The following ATP10A variants were observed in gnomAD, a reference collection of about 807,000 sequenced individuals.
The protein encoded by ATP10A is ATPase phospholipid transporting 10A (putative).
Under a neutral mutation model 147.8 loss-of-function variants are expected in ATP10A, and 111 were observed. That is an observed-to-expected ratio of 0.75 (90% CI 0.64 to 0.88). The LOEUF (loss-of-function observed/expected upper bound fraction) is 0.88. Among genes scored for constraint, ATP10A ranks in the 40% least tolerant of loss-of-function variants. ATP10A has a pLI of 0.00. For synonymous variants in ATP10A, 875 were observed against 841.6 expected (o/e 1.04, Z -0.69); for missense variants, 1,927 against 1,959.0 (o/e 0.98, Z 0.31).
intron 2 of ATP10A, among the ~76,000 whole-genome samples, chr15:25,737,307 G>C (rs576465890): frequency 2.0e-5 from 3 of 152,244 alleles, no homozygotes; most frequent in African/African-American, 7.2e-5. Flanking sequence ...CTTTTTCCAG[G>C]GCAGACATTT....
At chr15:25,689,912 C>G (rs1009360910) in intron 15 of ATP10A, among the ~76,000 whole-genome samples, 2 of 152,192 alleles carry the variant, frequency 1.3e-5, no homozygotes, top group Non-Finnish European at 2.9e-5. Flanking sequence ...GTTTACTAGA[C>G]GAGTTTCCAA....
intron 1 of ATP10A, among the ~76,000 whole-genome samples, chr15:25,812,751 C>T (rs1891487037): frequency 6.6e-6 from 1 of 152,120 alleles, no homozygotes; most frequent in African/African-American, 2.4e-5. Context: ...GGAAGGGTGG[C>T]CAAGCACACT....
At chr15:25,800,611 G>A (rs999658653) in intron 1 of ATP10A, among the ~76,000 whole-genome samples, 2 of 152,252 alleles carry the variant, frequency 1.3e-5, no homozygotes, top group East Asian at 3.9e-4. Flanking sequence ...ATTCTGACAC[G>A]GCAATTTCAA....
chr15:25,680,029 G>C lies in ATP10A; in HGVS notation c.3867-55C>G, dbSNP rs974882127. The C allele has an allele frequency of 1.9e-5, 30 of 1,579,466 alleles. No individual in the cohort carries two copies. In the Admixed American group the frequency reaches 3.3e-4, roughly 17 times the overall value. On this transcript the variant is annotated intron_variant, in intron 20 of 20. Transcript: ENST00000555815. The stretch of plus-strand genomic sequence containing the variant: ...AGATATTCCTGTCGGTGGTGTCTTT[G>C]AGCTTCCAGAGACCCACATAGAGCA...
chr15:25,832,053 GA>G (rs2140872257), intron 1 of ATP10A, among the ~76,000 whole-genome samples: 1 of 152,248 alleles, frequency 6.6e-6, no homozygotes, highest in Non-Finnish European at 1.5e-5. Flanking sequence ...TATAAGCAGA[GA>G]AAACAGAGAC....
chr15:25,748,283 T>C (rs1286258069), intron 2 of ATP10A, among the ~76,000 whole-genome samples: 2 of 152,106 alleles, frequency 1.3e-5, no homozygotes, highest in Admixed American at 6.6e-5. Flanking sequence ...AGTTTACTAA[T>C]CCCAGAAATA....
intron 13 of ATP10A, among the ~76,000 whole-genome samples, chr15:25,701,679 G>A (rs755287284): frequency 1.9e-4 from 29 of 152,198 alleles, no homozygotes; most frequent in Non-Finnish European, 2.9e-5. Context: ...CAGTATGTCA[G>A]GAGAAACCAG....
At position 25,687,713 on chromosome 15, in the gene ATP10A, T is replaced by C; in HGVS notation, c.3281A>G (p.Tyr1094Cys). 2 of 1,594,344 alleles carry C rather than the reference T, an allele frequency of 1.3e-6. No individual in the cohort carries two copies. The highest frequency in any genetic ancestry group is 2.2e-5 in the East Asian group (1 of 44,474). Residue 1094 changes from tyrosine to cysteine, a missense_variant, in exon 16 of 21, where the codon TAC (tyrosine) becomes TGC (cysteine). By Grantham distance (194) the Tyr-to-Cys change is radical (BLOSUM62 -2). Transcript: ENST00000555815. The part of the protein sequence containing the change: ...RLANMVLYFF[Y>C]KNTMFVGLLF... ...GTATCCAATACCTACTGTGTTTTTGTAGAAGAAGTACAGCACCATGTTGGC... is the reference window on the plus strand; with the variant it reads ...GTATCCAATACCTACTGTGTTTTTGCAGAAGAAGTACAGCACCATGTTGGC...
intron 17 of ATP10A, 80 bp downstream of exon 17, chr15:25,683,206 T>G: frequency 7.3e-7 from 1 of 1,364,376 alleles, no homozygotes; most frequent in Non-Finnish European, 1.0e-6. Flanking sequence ...GAAGGGAGGC[T>G]GGGGGACTGG....
chr15:25,774,012 GA>G, intron 2 of ATP10A, among the ~76,000 whole-genome samples: 1 of 150,602 alleles, frequency 6.6e-6, no homozygotes, highest in South Asian at 2.1e-4. Context: ...CTACATTTAG[GA>G]AAATTGGAAA....
chr15:25,713,816 G>A lies in ATP10A; in HGVS notation c.2202C>T (p.Phe734=), dbSNP rs903798185. Residue 734 remains phenylalanine (F), a synonymous_variant, in exon 10 of 21, where the codon TTC becomes TTT. Transcript: ENST00000555815. ...VELPHLGRLT[F]ELLHTLGFDS... ...CGAAACCCAGTGTGTGCAGGAGCTC[G>A]AAGGTGAGCCTGCCCAGGTGGGGCA... 1.9e-5 allele frequency: 30 copies of A among 1,613,966 alleles called. No individual in the cohort carries two copies. The African/African-American group carries it at 2.5e-4, about 14-fold the overall frequency.
At chr15:25,757,770 C>T (rs1017124221) in intron 2 of ATP10A, among the ~76,000 whole-genome samples, 1 of 152,206 alleles carries the variant, frequency 6.6e-6, no homozygotes, top group Non-Finnish European at 1.5e-5. Context: ...CAATTCTTTG[C>T]CTTCTACTTC....
At chr15:25,861,292 C>G (rs899605791) in intron 1 of ATP10A, among the ~76,000 whole-genome samples, 1 of 152,212 alleles carries the variant, frequency 6.6e-6, no homozygotes, top group Non-Finnish European at 1.5e-5. Flanking sequence ...GTGACTCTTA[C>G]AAAAGTTTCA....
chr15:25,803,873 C>T (rs1029225665), intron 1 of ATP10A, among the ~76,000 whole-genome samples: 20 of 152,236 alleles, frequency 1.3e-4, no homozygotes, highest in Non-Finnish European at 1.9e-4. Context: ...TCTCCTGGCA[C>T]GCACGTGCTG....
rs144749480 is a variant in ATP10A, at chr15:25,761,843, G to A, written c.654+19176C>T. 5.2e-3 allele frequency among the ~76,000 whole-genome samples: 788 copies of A among 152,276 alleles called. 5 individuals carry two copies. The highest frequency in any genetic ancestry group is 0.018 in the African/African-American group (756 of 41,550). ...CTTGCTTTGTCTCAAATGAGACTTC[G>A]GACTTGGACTTTTGGGTTAATGCTG... On this transcript the variant is annotated intron_variant, in intron 2 of 20. Coordinates refer to ENST00000555815, the MANE Select transcript of ATP10A (RefSeq NM_024490.4).
At chr15:25,848,957 A>G (rs1893155429) in intron 1 of ATP10A, 1 of 152,676 alleles carries the variant, frequency 6.5e-6, no homozygotes, top group African/African-American at 2.4e-5. Flanking sequence ...TGTTACTCAG[A>G]GTCCTCCAGA....
intron 1 of ATP10A, among the ~76,000 whole-genome samples, chr15:25,801,282 C>T (rs1009058729): frequency 1.3e-5 from 2 of 152,048 alleles, no homozygotes; most frequent in Non-Finnish European, 2.9e-5. Context: ...CACTTGGGTT[C>T]GGGGCATGAG....
At chr15:25,727,131 G>A (rs550388095) in intron 4 of ATP10A, 29 bp downstream of exon 4, 14 of 1,508,126 alleles carry the variant, frequency 9.3e-6, no homozygotes, top group South Asian at 6.7e-5. Flanking sequence ...GCTGTCTGGC[G>A]GCAGGTGGTG....
intron 1 of ATP10A, among the ~76,000 whole-genome samples, chr15:25,781,467 C>T (rs1889919960): frequency 2.0e-5 from 3 of 151,958 alleles, no homozygotes; most frequent in African/African-American, 7.3e-5. Context: ...CCAGCCTGAC[C>T]AACACGGTGA....
Sources: allele counts gnomAD v4.1 joint callset (sites outside exome capture counted in the v4.1 genomes callset), GRCh38; gene constraint gnomAD v4.1.1; transcripts MANE v1.5; gene names NCBI Gene and HGNC (gene_info 2026-07-23, HGNC 2026-07-21).